The following GABRA3 variants were observed in gnomAD, a reference collection of about 807,000 sequenced individuals.
GABRA3 encodes gamma-aminobutyric acid type A receptor subunit alpha3.
In GABRA3, 10 loss-of-function variants were observed where a neutral mutation model predicts 30.1. The ratio of observed to expected loss-of-function variants is 0.33; its 90% confidence interval spans 0.20 to 0.56. The LOEUF is 0.56. Ranked by LOEUF, GABRA3 falls within the 20% of genes least tolerant of loss-of-function variation. GABRA3 has a pLI of 0.89. For missense variants in GABRA3, 233 were observed against 392.0 expected, an observed-to-expected ratio of 0.59 and a Z score of 3.42; for synonymous variants, 151 against 146.8, an observed-to-expected ratio of 1.03 and a Z score of -0.21.
chrX:152,362,305 T>A (rs1408533872), intron 2 of GABRA3, among the ~76,000 whole-genome samples: 1 of 108,841 alleles, frequency 9.2e-6, no homozygotes, highest in Non-Finnish European at 1.9e-5. Flanking sequence ...CCTTGGGTAA[T>A]ATTGAAATAT....
At chrX:152,199,425 C>G (rs1337809354) in intron 7 of GABRA3, among the ~76,000 whole-genome samples, 3 of 109,121 alleles carry the variant, frequency 2.7e-5, no homozygotes, top group African/African-American at 1.0e-4. Context: ...CAGCTGCAAG[C>G]CAAGGAATGC....
intron 1 of GABRA3, among the ~76,000 whole-genome samples, chrX:152,406,809 C>T (rs901488180): frequency 9.0e-6 from 1 of 110,537 alleles, no homozygotes; most frequent in Non-Finnish European, 1.9e-5. Context: ...ACACATTCTT[C>T]TACTAAGCAC....
intron 5 of GABRA3, among the ~76,000 whole-genome samples, chrX:152,230,446 C>A (rs1038466730): frequency 6.3e-5 from 7 of 110,517 alleles, no homozygotes; most frequent in Non-Finnish European, 1.1e-4. Flanking sequence ...TTTCAAAATC[C>A]CAGATTTTCT....
chrX:152,231,385 TTC>T (rs1214025980), intron 5 of GABRA3, among the ~76,000 whole-genome samples: 2 of 109,921 alleles, frequency 1.8e-5, no homozygotes, highest in Admixed American at 9.8e-5. Context: ...AAATAAGATA[TTC>T]TGTTAGCTAA....
chrX:152,399,251 T>A lies in GABRA3; in HGVS notation c.-26-34655A>T, dbSNP rs757871711. ...CATGTTCTCAGAAAATATTTTACAATTGTGCTAAATTCAGACAACACAGTA... is the reference window on the plus strand; with the variant it reads ...CATGTTCTCAGAAAATATTTTACAAATGTGCTAAATTCAGACAACACAGTA... On this transcript the variant is annotated intron_variant, in intron 1 of 9. Coordinates refer to ENST00000370314, the MANE Select transcript of GABRA3 (RefSeq NM_000808.4). 1.5e-4 allele frequency among the ~76,000 whole-genome samples: 17 copies of A among 111,667 alleles called. No individual in the cohort carries two copies. The South Asian group carries it at 6.4e-3, about 42-fold the overall frequency.
intron 4 of GABRA3, among the ~76,000 whole-genome samples, chrX:152,269,972 C>A (rs1938898869): frequency 1.8e-5 from 2 of 111,724 alleles, no homozygotes; most frequent in South Asian, 7.5e-4. Flanking sequence ...CATGGACAAC[C>A]AAAGTAAAAA....
chrX:152,425,210 AC>A (rs1413079453), intron 1 of GABRA3, among the ~76,000 whole-genome samples: 2 of 109,721 alleles, frequency 1.8e-5, no homozygotes, highest in African/African-American at 6.6e-5. Context: ...TGCTGGGATT[AC>A]AGGTGTAAGC....
In GABRA3 at chrX:152,232,706, T is replaced by A. The variant is rs1432636419; in HGVS notation, c.552-7861A>T. Among the ~76,000 whole-genome samples the A allele has an allele frequency of 3.7e-5, 4 of 108,332 alleles. No individual in the cohort carries two copies. The Admixed American group carries it at 4.0e-4, about 11-fold the overall frequency. 94.1% of individuals were successfully genotyped at this position (108,332 alleles called of 115,157 possible). A position where few individuals can be genotyped will look rare whatever the true frequency, so the allele number is the denominator to read the frequency against. On this transcript the variant is annotated intron_variant, in intron 5 of 9. Transcript: ENST00000370314. Reference sequence around the variant, plus strand: ...ATATACATATATATATAATTTTATTTATCCAATCATCCATTAATGTACACT... The same window carrying A: ...ATATACATATATATATAATTTTATTAATCCAATCATCCATTAATGTACACT...
intron 4 of GABRA3, among the ~76,000 whole-genome samples, chrX:152,271,392 T>A (rs909117403): frequency 3.2e-4 from 36 of 112,355 alleles, no homozygotes; most frequent in Non-Finnish European, 6.7e-4. Context: ...ATTCTTGCTA[T>A]GCTTTAGCAA....
chrX:152,289,920 G>C (rs377308007), intron 3 of GABRA3, among the ~76,000 whole-genome samples: 4 of 111,886 alleles, frequency 3.6e-5, no homozygotes, highest in South Asian at 7.5e-4. Flanking sequence ...TCTATCATTG[G>C]TGGACATTTG....
chrX:152,287,089 A>G (rs1220930809), intron 3 of GABRA3, among the ~76,000 whole-genome samples: 1 of 111,805 alleles, frequency 8.9e-6, no homozygotes, highest in African/African-American at 3.3e-5. Flanking sequence ...CCCCAAATAC[A>G]TAAAACAAAA....
chrX:152,415,688 C>T (rs1394025754), intron 1 of GABRA3, among the ~76,000 whole-genome samples: 1 of 111,311 alleles, frequency 9.0e-6, no homozygotes, highest in Non-Finnish European at 1.9e-5. Flanking sequence ...CATTGTACTA[C>T]CGTCATTATC....
chrX:152,170,805 C>T (rs144065416), intron 9 of GABRA3, among the ~76,000 whole-genome samples: 1,425 of 111,787 alleles, frequency 0.013, 28 homozygotes, highest in African/African-American at 0.044. Context: ...ACGGGAAGTG[C>T]GACAGATGAG....
At chrX:152,206,301 G>A (rs1937541480) in intron 7 of GABRA3, among the ~76,000 whole-genome samples, 1 of 112,276 alleles carries the variant, frequency 8.9e-6, no homozygotes, top group Admixed American at 9.4e-5. Flanking sequence ...TTTCCCTTAA[G>A]TTGGGGTGGG....
intron 1 of GABRA3, among the ~76,000 whole-genome samples, chrX:152,425,004 C>A (rs1415741774): frequency 2.1e-5 from 2 of 93,845 alleles, no homozygotes; most frequent in East Asian, 3.5e-4. Context: ...ACAATCATGG[C>A]TCATTGCAGC....
intron 5 of GABRA3, among the ~76,000 whole-genome samples, chrX:152,235,257 A>G (rs1321484627): frequency 1.8e-5 from 2 of 111,441 alleles, no homozygotes; most frequent in African/African-American, 3.3e-5. Context: ...CTTGTTTCTT[A>G]GCTTGATCAT....
At chrX:152,403,068 TTAG>T (rs773708480) in intron 1 of GABRA3, among the ~76,000 whole-genome samples, 1 of 111,944 alleles carries the variant, frequency 8.9e-6, no homozygotes, top group Admixed American at 9.5e-5. Context: ...AACTTTCTAC[TTAG>T]TAGTGAAACA....
chrX:152,270,290 G>A (rs769917122), intron 4 of GABRA3, among the ~76,000 whole-genome samples: 1 of 111,447 alleles, frequency 9.0e-6, no homozygotes, highest in South Asian at 3.8e-4. Flanking sequence ...TCTTCTGCCA[G>A]CATGTGAAGA....
chrX:152,273,939 C>T (rs1938995196), intron 4 of GABRA3, among the ~76,000 whole-genome samples: 1 of 111,565 alleles, frequency 9.0e-6, no homozygotes, highest in African/African-American at 3.3e-5. Flanking sequence ...CTGAAGGAAA[C>T]ACAATGTGGC....
Sources: gnomAD v4.1 joint callset for allele counts (sites outside exome capture counted in the v4.1 genomes callset) on GRCh38, gnomAD v4.1.1 for gene constraint, MANE v1.5 for transcripts, NCBI Gene and HGNC (gene_info 2026-07-23, HGNC 2026-07-21) for gene names.